Variants in POLR3A observed in about 807,000 individuals in gnomAD.
POLR3A encodes the protein DNA-directed RNA polymerase III subunit RPC1.
Under a neutral mutation model 152.8 loss-of-function variants are expected in POLR3A, and 112 were observed. The observed-to-expected ratio is 0.73, with a 90% CI of 0.63 to 0.86. The LOEUF (loss-of-function observed/expected upper bound fraction) is 0.86, where lower values mean the gene tolerates loss of function less well. Ranked by LOEUF, POLR3A falls within the 40% of genes least tolerant of loss-of-function variation. The pLI is 0.00. For missense variants in POLR3A, 1,385 were observed against 1,743.1 expected (o/e 0.79, Z 3.66); for synonymous variants, 615 against 652.1 (o/e 0.94, Z 0.87).
chr10:78,016,312 T>C (rs529942892), intron 10 of POLR3A, among the ~76,000 whole-genome samples: 51 of 150,608 alleles, frequency 3.4e-4, no homozygotes, highest in Admixed American at 1.0e-3. Context: ...GTCATACCTA[T>C]AATCCCAGCA....
chr10:77,987,427 A>G (rs1847208111), intron 21 of POLR3A, among the ~76,000 whole-genome samples: 1 of 152,092 alleles, frequency 6.6e-6, no homozygotes, highest in South Asian at 2.1e-4. Flanking sequence ...ATGCCCACAC[A>G]TGGAGGACAA....
chr10:77,999,830 C>T, intron 19 of POLR3A, 151 bp downstream of exon 19: 1 of 770,222 alleles, frequency 1.3e-6, no homozygotes, highest in South Asian at 1.7e-5. Context: ...TTGTTCATTT[C>T]CAGGGCATCT....
chr10:78,004,147 T>G (rs981097004), intron 16 of POLR3A, among the ~76,000 whole-genome samples: 2 of 152,030 alleles, frequency 1.3e-5, no homozygotes, highest in Non-Finnish European at 2.9e-5. Flanking sequence ...GGCAGGAGAA[T>G]TGCTTGAACC....
intron 15 of POLR3A, among the ~76,000 whole-genome samples, chr10:78,007,014 T>C (rs933405454): frequency 1.3e-5 from 2 of 151,960 alleles, no homozygotes; most frequent in Non-Finnish European, 2.9e-5. Context: ...AGAGGCTGCG[T>C]GAGCCAAGAT....
At chr10:78,007,626 A>T (rs1847423365) in intron 15 of POLR3A, 76 bp downstream of exon 15, 1 of 1,310,012 alleles carries the variant, frequency 7.6e-7, no homozygotes, top group African/African-American at 1.4e-5. Flanking sequence ...ATGGCAGTAA[A>T]AGAACAAAAT....
chr10:78,019,766 C>CA (rs1173221566), intron 8 of POLR3A: 1 of 174,700 alleles, frequency 5.7e-6, no homozygotes, highest in African/African-American at 2.4e-5. Context: ...ACACACAACA[C>CA]AAGCTGACCA....
chr10:77,999,786 T>A (rs922196566), intron 19 of POLR3A, among the ~76,000 whole-genome samples, 195 bp downstream of exon 19: 1 of 152,208 alleles, frequency 6.6e-6, no homozygotes, highest in Admixed American at 6.5e-5. Context: ...TTGATCATCA[T>A]AGGATGATTC....
At position 77,982,816 on chromosome 10, in the gene POLR3A, A is replaced by G; in HGVS notation, c.3431T>C (p.Val1144Ala). 6.2e-7 allele frequency: 1 copy of G among 1,613,874 alleles called. No individual in the cohort carries two copies. Among genetic ancestry groups the G allele is most frequent in the Non-Finnish European group, 8.5e-7 (1 of 1,179,834 alleles). Residue 1144 changes from valine (V) to alanine (A), a missense_variant and splice_region_variant, in exon 27 of 31, where the codon GTG becomes GCG. Transcript: ENST00000372371. ...LERIRLLRLE[V>A]NAETVRYSIC... ...GGAATATCTCACTGTCTCAGCGTTC[A>G]CCTGCAACATGGCCAGGTGTAGGTG... is the stretch of plus-strand genomic sequence containing the variant.
At chr10:77,998,423 C>A (rs1423063971) in intron 19 of POLR3A, among the ~76,000 whole-genome samples, 3 of 152,156 alleles carry the variant, frequency 2.0e-5, no homozygotes, top group Non-Finnish European at 4.4e-5. Flanking sequence ...GGGCTAACAT[C>A]CAGAATCTAC....
At chr10:77,985,643 G>C (rs892993584) in intron 23 of POLR3A, among the ~76,000 whole-genome samples, 1 of 152,236 alleles carries the variant, frequency 6.6e-6, no homozygotes, top group African/African-American at 2.4e-5. Flanking sequence ...ATGGCAAACA[G>C]AGCAGTGGCA....
At chr10:78,028,822 G>T (rs1847661801) in intron 1 of POLR3A, among the ~76,000 whole-genome samples, 1 of 151,970 alleles carries the variant, frequency 6.6e-6, no homozygotes, top group South Asian at 2.1e-4. Context: ...TTCTTACCGA[G>T]AACTCTAAGA....
At chr10:77,984,049 T>G in intron 25 of POLR3A, 37 bp from the exon 26 acceptor site, 1 of 1,459,116 alleles carries the variant, frequency 6.9e-7, no homozygotes, top group Non-Finnish European at 9.6e-7. Context: ...AATCAGCCGC[T>G]TTCCCCTTTC....
intron 27 of POLR3A, 82 bp from the exon 28 acceptor site, chr10:77,982,400 C>A: frequency 7.4e-7 from 1 of 1,342,978 alleles, no homozygotes; most frequent in East Asian, 2.3e-5. Context: ...CAGCTTTCAG[C>A]AGTGGTCATC....
At chr10:78,024,458 G>A (rs1847610089) in intron 5 of POLR3A, 91 bp downstream of exon 5, 1 of 1,324,152 alleles carries the variant, frequency 7.6e-7, no homozygotes, top group Non-Finnish European at 1.1e-6. Context: ...GTCTAGGGGT[G>A]GGGCGGAGTT....
intron 8 of POLR3A, chr10:78,019,759 C>T (rs1847559393): frequency 1.7e-5 from 3 of 180,182 alleles, no homozygotes; most frequent in South Asian, 1.2e-4. Context: ...ACTGAGGACA[C>T]ACAACACAAG....
In POLR3A at chr10:77,975,971, T is replaced by C. The variant is rs1289918859; in HGVS notation, c.*1507A>G. 3 of 151,932 alleles carry C rather than the reference T, an allele frequency of 2.0e-5. No homozygotes were observed. Among genetic ancestry groups the C allele is most frequent in the Non-Finnish European group, 4.4e-5 (3 of 67,990 alleles). The allele number at this position is 151,932 out of a possible 1,614,324, so 9.4% of individuals were successfully genotyped here. ...GTCCTAAACCAGGCTCTAGCTCAAT[T>C]CAAAGATAAAGGGGGGTTAAACATT... On this transcript the variant is annotated 3_prime_UTR_variant, in exon 31 of 31. Coordinates refer to ENST00000372371, the MANE Select transcript of POLR3A (RefSeq NM_007055.4).
chr10:78,015,081 T>C (rs1370805940), intron 10 of POLR3A, among the ~76,000 whole-genome samples: 1 of 152,214 alleles, frequency 6.6e-6, no homozygotes, highest in Admixed American at 6.5e-5. Context: ...GAACTAGGTA[T>C]GGACCTGGGA....
At position 78,021,619 on chromosome 10, in the gene POLR3A, G is replaced by A; in HGVS notation, c.1112C>T (p.Pro371Leu). Residue 371 changes from proline to leucine, a missense_variant, in exon 8 of 31, where the codon CCC becomes CTC. By Grantham distance (98) the Pro-to-Leu change is moderately conservative. Around this residue, in one of 7 missense-constraint regions of POLR3A, gnomAD observed 493 missense variants for 647.5 expected, o/e 0.76. Transcript: ENST00000372371. ...CTCATCAATCCGGAGGTTGGGGTCGGGCGAGATGACTGTTCTGCCAGAAAA... is the reference window on the plus strand; with the variant it reads ...CTCATCAATCCGGAGGTTGGGGTCGAGCGAGATGACTGTTCTGCCAGAAAA... ...VDFSGRTVISPDPNLRIDEVA... is the reference protein window; with the variant it reads ...VDFSGRTVISLDPNLRIDEVA... 6.2e-7 allele frequency: 1 copy of A among 1,614,122 alleles called. No homozygotes were observed. Among genetic ancestry groups the A allele is most frequent in the Non-Finnish European group, 8.5e-7 (1 of 1,180,012 alleles).
chr10:78,015,725 T>TAGC (rs1401074138), intron 10 of POLR3A, among the ~76,000 whole-genome samples: 7 of 152,168 alleles, frequency 4.6e-5, no homozygotes, highest in African/African-American at 1.7e-4. Flanking sequence ...AGGCGTGATA[T>TAGC]AGCACACTGT....
Sources: allele counts gnomAD v4.1 joint callset (sites outside exome capture counted in the v4.1 genomes callset), GRCh38; gene constraint gnomAD v4.1.1; regional missense constraint gnomAD v4.1.1; transcripts MANE v1.5; gene names NCBI Gene and HGNC (gene_info 2026-07-23, HGNC 2026-07-21).